The following PDE1C variants were observed in gnomAD, a reference collection of about 807,000 sequenced individuals.
The protein encoded by PDE1C is dual specificity calcium/calmodulin-dependent 3',5'-cyclic nucleotide phosphodiesterase 1C.
PDE1C carries 62 observed loss-of-function variants against 93.1 expected under a neutral mutation model. The ratio of observed to expected loss-of-function variants is 0.67; its 90% CI spans 0.54 to 0.82. PDE1C has a LOEUF of 0.82. PDE1C is among the 40% of genes least tolerant of loss of function. The pLI, the probability that PDE1C is intolerant of heterozygous loss-of-function variation, is 0.00. For synonymous variants in PDE1C, 325 were observed against 310.1 expected (o/e 1.05, Z -0.50); for missense variants, 742 against 884.6 (o/e 0.84, Z 2.04).
chr7:31,959,780 T>C (rs974536508), intron 2 of PDE1C, among the ~76,000 whole-genome samples: 68 of 152,310 alleles, frequency 4.5e-4, no homozygotes, highest in Admixed American at 2.4e-3. Context: ...AAATATTCCA[T>C]TGCATACACT....
At chr7:31,686,434 CCTT>C in the PDE1C span, among the ~76,000 whole-genome samples, 9 of 152,144 alleles carry the variant, frequency 5.9e-5, no homozygotes, top group East Asian at 1.7e-3. Flanking sequence ...TGGCTTTGTT[CCTT>C]TGAAGGAGGA....
At chr7:31,971,181 A>C (rs1358815795) in intron 2 of PDE1C, among the ~76,000 whole-genome samples, 1 of 152,166 alleles carries the variant, frequency 6.6e-6, no homozygotes, top group Non-Finnish European at 1.5e-5. Context: ...GATGACAGAA[A>C]GCAGAATCAG....
At chr7:31,818,159 A>T (rs1788499215) in intron 14 of PDE1C, among the ~76,000 whole-genome samples, 2 of 152,190 alleles carry the variant, frequency 1.3e-5, no homozygotes, top group Admixed American at 6.5e-5. Flanking sequence ...CCCCAAAAGG[A>T]TGTATTTGTA....
At chr7:32,419,369 G>A (rs1451988062) in intron 1 of PDE1C, among the ~76,000 whole-genome samples, 1 of 152,176 alleles carries the variant, frequency 6.6e-6, no homozygotes, top group Non-Finnish European at 1.5e-5. Context: ...GAACAACAGA[G>A]AGAAAGAGAG....
chr7:32,288,255 C>A (rs215597), intron 1 of PDE1C, among the ~76,000 whole-genome samples: 40,714 of 152,096 alleles, frequency 0.27, 6,249 homozygotes, highest in East Asian at 0.35. Flanking sequence ...TGGAGCTGCT[C>A]ATAGATCTTT....
chr7:32,133,861 C>T (rs866182621), intron 3 of PDE1C, among the ~76,000 whole-genome samples: 20 of 151,788 alleles, frequency 1.3e-4, no homozygotes, highest in South Asian at 6.2e-4. Flanking sequence ...CTATTACAAC[C>T]GTGCTTATGG....
the PDE1C span, among the ~76,000 whole-genome samples, chr7:31,711,383 CTCAAAT>C: frequency 6.6e-6 from 1 of 152,084 alleles, no homozygotes; most frequent in African/African-American, 2.4e-5. Flanking sequence ...TCATTTGATC[CTCAAAT>C]TCAATCATGA....
Position 31,857,287 on chromosome 7 carries a change from GC to G in PDE1C, c.751-6547del, listed in dbSNP as rs1794142961. On this transcript the variant is annotated intron_variant, in intron 7 of 17. Coordinates refer to ENST00000396191, the MANE Select transcript of PDE1C (RefSeq NM_001191057.4). Reference sequence around the variant, plus strand: ...GGGAATCACTTTTGATTGCCCAACTGCCCTTTTTTTCCTTACTAACAATGTC... The same window carrying G: ...GGGAATCACTTTTGATTGCCCAACTGCCTTTTTTTCCTTACTAACAATGTC... Among the ~76,000 whole-genome samples the G allele has an allele frequency of 2.6e-5, 4 of 152,186 alleles. No individual in the cohort carries two copies. The South Asian group carries it at 8.3e-4, about 32-fold the overall frequency.
At chr7:32,058,977 A>AC (rs34643853) in intron 1 of PDE1C, among the ~76,000 whole-genome samples, 11,622 of 152,064 alleles carry the variant, frequency 0.076, 510 homozygotes, top group Non-Finnish European at 0.089. Context: ...AAAAAAAAAA[A>AC]ACCTCATTTT....
intron 10 of PDE1C, 75 bp downstream of exon 10, chr7:31,837,795 A>T: frequency 1.1e-6 from 1 of 905,192 alleles, no homozygotes; most frequent in Non-Finnish European, 1.8e-6. Context: ...GATGCTCTTT[A>T]AAGGGATAGC....
At chr7:32,287,878 G>C (rs1420404328) in intron 1 of PDE1C, among the ~76,000 whole-genome samples, 2 of 152,234 alleles carry the variant, frequency 1.3e-5, no homozygotes, top group African/African-American at 4.8e-5. Flanking sequence ...ATGGTTCCCA[G>C]GTTTCTAGTT....
chr7:31,991,836 A>C (rs1021957344), intron 2 of PDE1C, among the ~76,000 whole-genome samples: 2 of 152,242 alleles, frequency 1.3e-5, no homozygotes, highest in Admixed American at 1.3e-4. Flanking sequence ...TTCTACTAGT[A>C]GCATACTTAA....
At chr7:32,334,209 A>C (rs1033856378) in intron 1 of PDE1C, among the ~76,000 whole-genome samples, 2 of 152,196 alleles carry the variant, frequency 1.3e-5, no homozygotes, top group African/African-American at 4.8e-5. Flanking sequence ...ATTACTGAGA[A>C]AGAACAACTT....
At chr7:31,726,765 G>C in the PDE1C span, among the ~76,000 whole-genome samples, 1 of 152,228 alleles carries the variant, frequency 6.6e-6, no homozygotes, top group East Asian at 1.9e-4. Flanking sequence ...AGGCACAGTG[G>C]CTCATGCCTG....
At chr7:31,922,561 C>T (rs192082738) in intron 2 of PDE1C, among the ~76,000 whole-genome samples, 199 of 152,288 alleles carry the variant, frequency 1.3e-3, no homozygotes, top group African/African-American at 4.7e-3. Context: ...AATCTATGCA[C>T]AAGCCATCAT....
At chr7:32,185,035 CG>C (rs1803743209) in intron 2 of PDE1C, among the ~76,000 whole-genome samples, 2 of 151,142 alleles carry the variant, frequency 1.3e-5, no homozygotes, top group South Asian at 4.3e-4. Flanking sequence ...CTCTTGAACC[CG>C]GGAGGCAGAG....
chr7:32,133,972 T>C (rs993811), intron 3 of PDE1C, among the ~76,000 whole-genome samples: 1 of 151,484 alleles, frequency 6.6e-6, no homozygotes, highest in Non-Finnish European at 1.5e-5. Flanking sequence ...AGAAACATAA[T>C]AGGAATTTTA....
chr7:32,155,180 G>A (rs933465795), intron 3 of PDE1C, among the ~76,000 whole-genome samples: 3 of 152,204 alleles, frequency 2.0e-5, no homozygotes, highest in Non-Finnish European at 4.4e-5. Context: ...CAGGGAGGCC[G>A]TGTGGCCCAG....
the PDE1C span, among the ~76,000 whole-genome samples, chr7:31,722,950 C>T: frequency 6.6e-6 from 1 of 152,228 alleles, no homozygotes; most frequent in East Asian, 1.9e-4. Context: ...TATCTTCATC[C>T]TTTTCTTGTG....
Sources: allele counts gnomAD v4.1 joint callset (sites outside exome capture counted in the v4.1 genomes callset), GRCh38; gene constraint gnomAD v4.1.1; transcripts MANE v1.5; gene names NCBI Gene and HGNC (gene_info 2026-07-23, HGNC 2026-07-21).